ARID5B: variants seen among roughly 807,000 people sequenced by gnomAD.
ARID5B encodes the protein AT-rich interactive domain-containing protein 5B.
ARID5B carries 13 observed loss-of-function variants against 97.2 expected under a neutral mutation model. The ratio of observed to expected loss-of-function variants is 0.13; its 90% confidence interval spans 0.09 to 0.21. The LOEUF is 0.21. Among genes scored for constraint, ARID5B ranks in the 10% least tolerant of loss-of-function variants. The probability of loss-of-function intolerance (pLI) is 1.00; values close to 1 mark genes in which losing one functional copy is unlikely to be tolerated. For missense variants in ARID5B, 1,210 were observed against 1,465.3 expected, an observed-to-expected ratio of 0.83 and a Z score of 2.84; for synonymous variants, 556 against 570.3, an observed-to-expected ratio of 0.97 and a Z score of 0.36.
chr10:62,084,426 G>A (rs376571287), intron 8 of ARID5B, among the ~76,000 whole-genome samples: 19 of 152,166 alleles, frequency 1.2e-4, no homozygotes, highest in East Asian at 9.6e-4. Context: ...GTTTTTGCCT[G>A]GGAATCTTAG....
At chr10:62,088,204 C>T (rs1001512533) in intron 9 of ARID5B, among the ~76,000 whole-genome samples, 1 of 152,184 alleles carries the variant, frequency 6.6e-6, no homozygotes, top group African/African-American at 2.4e-5. Flanking sequence ...AAGCTTGCAA[C>T]ATAAATGGCC....
At chr10:62,076,127 G>GT (rs1447427003) in intron 8 of ARID5B, among the ~76,000 whole-genome samples, 1 of 152,200 alleles carries the variant, frequency 6.6e-6, no homozygotes, top group Non-Finnish European at 1.5e-5. Flanking sequence ...ATTCTTCTCA[G>GT]TATGGCATCC....
chr10:62,012,169 A>G (rs905060475), intron 4 of ARID5B, among the ~76,000 whole-genome samples: 6 of 152,188 alleles, frequency 3.9e-5, no homozygotes, highest in African/African-American at 1.4e-4. Flanking sequence ...CCCTTTATAT[A>G]CATTATCTTG....
chr10:61,998,764 G>A (rs1024578125), intron 3 of ARID5B, among the ~76,000 whole-genome samples: 1 of 152,204 alleles, frequency 6.6e-6, no homozygotes, highest in Non-Finnish European at 1.5e-5. Context: ...TTTGAGGAAC[G>A]TTAAAAGAGA....
intron 4 of ARID5B, among the ~76,000 whole-genome samples, chr10:62,015,422 G>A (rs989699403): frequency 6.6e-6 from 1 of 152,104 alleles, no homozygotes; most frequent in East Asian, 1.9e-4. Context: ...GTGCTCTTAC[G>A]GGTTGTGTTG....
At chr10:62,030,822 G>A (rs946553196) in intron 4 of ARID5B, among the ~76,000 whole-genome samples, 1 of 152,214 alleles carries the variant, frequency 6.6e-6, no homozygotes, top group Non-Finnish European at 1.5e-5. Flanking sequence ...AGCGCAAAGG[G>A]TCTAAAAATG....
chr10:61,933,659 G>T (rs1318436934), intron 2 of ARID5B, among the ~76,000 whole-genome samples: 1 of 152,160 alleles, frequency 6.6e-6, no homozygotes, highest in Non-Finnish European at 1.5e-5. Context: ...TATTTGTAAA[G>T]AAATCTCTTA....
intron 6 of ARID5B, 83 bp downstream of exon 6, chr10:62,057,401 A>C: frequency 1.5e-6 from 2 of 1,355,746 alleles, no homozygotes. Context: ...ACTCAGGATT[A>C]TGTTGAAATC....
intron 8 of ARID5B, among the ~76,000 whole-genome samples, chr10:62,074,784 C>T (rs913218316): frequency 3.3e-5 from 5 of 152,200 alleles, no homozygotes; most frequent in African/African-American, 1.2e-4. Context: ...ACCAGTGCTA[C>T]TCAAATGAGA....
At chr10:61,971,770 G>A (rs969854058) in intron 3 of ARID5B, among the ~76,000 whole-genome samples, 2 of 152,250 alleles carry the variant, frequency 1.3e-5, no homozygotes, top group South Asian at 4.2e-4. Context: ...AGATGTCAGT[G>A]GCATGTAAAC....
At chr10:61,981,661 G>T (rs2132846199) in intron 3 of ARID5B, among the ~76,000 whole-genome samples, 1 of 152,170 alleles carries the variant, frequency 6.6e-6, no homozygotes, top group South Asian at 2.1e-4. Context: ...ATCAGGAAGT[G>T]TGCTTGGCAG....
At chr10:62,018,035 A>T (rs1839305731) in intron 4 of ARID5B, among the ~76,000 whole-genome samples, 2 of 152,228 alleles carry the variant, frequency 1.3e-5, no homozygotes, top group South Asian at 4.1e-4. Context: ...CTCTGAGATG[A>T]TTTAAATAGA....
At chr10:62,053,029 A>AG (rs766024277) in intron 5 of ARID5B, among the ~76,000 whole-genome samples, 1 of 152,272 alleles carries the variant, frequency 6.6e-6, no homozygotes, top group Non-Finnish European at 1.5e-5. Context: ...TGACACCAAC[A>AG]GGCAGATGTA....
At chr10:62,017,794 T>G (rs1226486814) in intron 4 of ARID5B, among the ~76,000 whole-genome samples, 1 of 152,202 alleles carries the variant, frequency 6.6e-6, no homozygotes, top group African/African-American at 2.4e-5. Flanking sequence ...CCCATATGTC[T>G]AAAAATAAAT....
chr10:62,035,731 A>G (rs75186541), intron 4 of ARID5B, among the ~76,000 whole-genome samples: 12,400 of 151,986 alleles, frequency 0.082, 697 homozygotes, highest in Admixed American at 0.2. Flanking sequence ...CACCACGACC[A>G]ACCCAAAGCA....
intron 4 of ARID5B, chr10:62,025,389 G>A (rs1038219385): frequency 6.6e-6 from 1 of 152,078 alleles, no homozygotes; most frequent in Non-Finnish European, 1.5e-5. Context: ...ATTTATAATG[G>A]GTATCTTTAA....
chr10:61,932,413 CTTTTTTTTTTTT>C (rs200321468), intron 2 of ARID5B, among the ~76,000 whole-genome samples: 1 of 135,518 alleles, frequency 7.4e-6, no homozygotes, highest in Non-Finnish European at 1.6e-5. Flanking sequence ...TTTTCTTTTT[CTTTTTTTTTTTT>C]TTTGAGACAG....
At chr10:61,910,043 T>C (rs914846723) in intron 2 of ARID5B, among the ~76,000 whole-genome samples, 1 of 152,194 alleles carries the variant, frequency 6.6e-6, no homozygotes, top group Non-Finnish European at 1.5e-5. Context: ...TGGCAGTTCA[T>C]ACGAGCCAGC....
intron 3 of ARID5B, among the ~76,000 whole-genome samples, chr10:61,966,787 T>C (rs1484794079): frequency 6.6e-6 from 1 of 152,206 alleles, no homozygotes; most frequent in Non-Finnish European, 1.5e-5. Flanking sequence ...GCTTTCAACC[T>C]GGAGTATTCC....
Sources: allele counts gnomAD v4.1 joint callset (sites outside exome capture counted in the v4.1 genomes callset), GRCh38; gene constraint gnomAD v4.1.1; transcripts MANE v1.5; gene names NCBI Gene and HGNC (gene_info 2026-07-23, HGNC 2026-07-21).